ATP9A: variants seen among roughly 807,000 people sequenced by gnomAD.
ATP9A encodes the protein ATPase phospholipid transporting 9A, also known as probable phospholipid-transporting ATPase IIA.
A neutral mutation model predicts 144.1 loss-of-function variants in ATP9A; 52 were observed. The ratio of observed to expected loss-of-function variants is 0.36; its 90% CI spans 0.29 to 0.45. The LOEUF (loss-of-function observed/expected upper bound fraction) is 0.45, where lower values mean the gene tolerates loss of function less well. Ranked by LOEUF, ATP9A falls within the 20% of genes least tolerant of loss-of-function variation. ATP9A has a pLI of 1.00. For missense variants in ATP9A, 947 were observed against 1,392.7 expected (o/e 0.68, Z 5.09); for synonymous variants, 582 against 557.4 (o/e 1.04, Z -0.62).
intron 1 of ATP9A, chr20:51,732,260 A>G (rs1029031110): frequency 6.6e-6 from 1 of 152,162 alleles, no homozygotes; most frequent in Non-Finnish European, 1.5e-5. Context: ...AACTGCAACA[A>G]AAACGTCCCT....
chr20:51,637,267 GTTTAT>G (rs747439656), intron 15 of ATP9A, among the ~76,000 whole-genome samples: 52 of 115,204 alleles, frequency 4.5e-4, no homozygotes, highest in Non-Finnish European at 1.4e-4. Flanking sequence ...GCTGTGAGTT[GTTTAT>G]TTTAAGTATC....
At chr20:51,628,114 G>A (rs1459383782) in intron 16 of ATP9A, among the ~76,000 whole-genome samples, 1 of 152,138 alleles carries the variant, frequency 6.6e-6, no homozygotes, top group African/African-American at 2.4e-5. Context: ...ACTCCAGCAC[G>A]TTTTACACGC....
chr20:51,717,945 G>A (rs1399757623), intron 3 of ATP9A, among the ~76,000 whole-genome samples: 9 of 148,694 alleles, frequency 6.1e-5, no homozygotes, highest in African/African-American at 1.2e-4. Flanking sequence ...CAGAGACTCC[G>A]TCTCAAAAAA....
At chr20:51,680,041 C>T (rs192687979) in intron 9 of ATP9A, among the ~76,000 whole-genome samples, 109 of 151,960 alleles carry the variant, frequency 7.2e-4, no homozygotes, top group Non-Finnish European at 1.3e-3. Flanking sequence ...ACCAGCCTGG[C>T]CAACATGGTG....
At chr20:51,704,092 A>T (rs1042359161) in intron 4 of ATP9A, among the ~76,000 whole-genome samples, 2 of 151,788 alleles carry the variant, frequency 1.3e-5, no homozygotes, top group Non-Finnish European at 2.9e-5. Context: ...CAAAGAAAAG[A>T]CTGTTATTTG....
chr20:51,696,197 C>T (rs927115427), intron 5 of ATP9A, 53 bp from the exon 6 acceptor site: 8 of 1,576,672 alleles, frequency 5.1e-6, no homozygotes, highest in African/African-American at 2.7e-5. Flanking sequence ...GTGTGCTGTG[C>T]GGTGGGGAGG....
At chr20:51,648,367 G>A (rs922148458) in intron 14 of ATP9A, among the ~76,000 whole-genome samples, 2 of 152,154 alleles carry the variant, frequency 1.3e-5, no homozygotes, top group Non-Finnish European at 1.5e-5. Context: ...GGAGACAAAC[G>A]GGACCTTTTA....
chr20:51,767,004 G>T (rs1188368692), intron 1 of ATP9A, among the ~76,000 whole-genome samples: 1 of 151,522 alleles, frequency 6.6e-6, no homozygotes, highest in Non-Finnish European at 1.5e-5. Context: ...TAATATCAGT[G>T]AGGCCTCTTC....
chr20:51,679,305 C>T (rs1051754218), intron 9 of ATP9A, among the ~76,000 whole-genome samples: 5 of 152,126 alleles, frequency 3.3e-5, no homozygotes, highest in African/African-American at 9.7e-5. Flanking sequence ...GCCTGGGTGA[C>T]GGAGTGACAC....
At position 51,675,855 on chromosome 20, in the gene ATP9A, G is replaced by A. The variant is rs1164601052; in HGVS notation, c.876+277C>T. Among the ~76,000 whole-genome samples the A allele has an allele frequency of 2.1e-5, 3 of 144,430 alleles. No individual in the cohort carries two copies. The Admixed American group carries it at 2.1e-4, about 10-fold the overall frequency. The allele number at this position is 144,430 out of a possible 152,430, so 94.8% of individuals were successfully genotyped here. A position where few individuals can be genotyped will look rare whatever the true frequency, so the allele number is the denominator to read the frequency against. On this transcript the variant is annotated intron_variant, in intron 10 of 27. Coordinates refer to ENST00000338821, the MANE Select transcript of ATP9A (RefSeq NM_006045.3). ...AAATCAAGCCACTGTATTCCTGCCT[G>A]AGCAACAAAGTGAGACCCTGTCTCA...
intron 3 of ATP9A, among the ~76,000 whole-genome samples, chr20:51,719,725 C>G (rs1568834979): frequency 1.8e-5 from 2 of 111,860 alleles, no homozygotes; most frequent in Non-Finnish European, 3.7e-5. Flanking sequence ...GATCAAGACT[C>G]TGTCTCAAAA....
chr20:51,619,931 G>A (rs908323796), intron 19 of ATP9A, among the ~76,000 whole-genome samples: 9 of 150,656 alleles, frequency 6.0e-5, no homozygotes, highest in South Asian at 2.1e-4. Flanking sequence ...TGATGCATTC[G>A]GTGGATTTTT....
At chr20:51,719,496 AG>A (rs2077678742) in intron 3 of ATP9A, among the ~76,000 whole-genome samples, 1 of 152,148 alleles carries the variant, frequency 6.6e-6, no homozygotes, top group Non-Finnish European at 1.5e-5. Context: ...GCACTTTGGG[AG>A]GCCAAGATGG....
intron 1 of ATP9A, among the ~76,000 whole-genome samples, chr20:51,766,344 G>A (rs6021425): frequency 6.6e-6 from 1 of 152,212 alleles, no homozygotes; most frequent in East Asian, 1.9e-4. Context: ...CTGTTGGGCA[G>A]GTCTTCTTTA....
chr20:51,747,101 T>G (rs1037821516), intron 1 of ATP9A, among the ~76,000 whole-genome samples: 17 of 88,062 alleles, frequency 1.9e-4, no homozygotes, highest in Non-Finnish European at 4.6e-4. Flanking sequence ...GTTTTTCGTT[T>G]TTTTTTTTTT....
At chr20:51,627,311 G>T (rs938351705) in intron 17 of ATP9A, among the ~76,000 whole-genome samples, 1 of 152,158 alleles carries the variant, frequency 6.6e-6, no homozygotes, top group Non-Finnish European at 1.5e-5. Flanking sequence ...ATGGTATGAT[G>T]GATGGAAAGT....
At chr20:51,757,568 C>G (rs1403520797) in intron 1 of ATP9A, among the ~76,000 whole-genome samples, 13 of 151,720 alleles carry the variant, frequency 8.6e-5, no homozygotes, top group Admixed American at 8.5e-4. Context: ...GGGCCTCTTC[C>G]AACTGTCTTC....
At chr20:51,602,432 G>A (rs1374936250) in intron 27 of ATP9A, among the ~76,000 whole-genome samples, 2 of 152,162 alleles carry the variant, frequency 1.3e-5, no homozygotes, top group Non-Finnish European at 1.5e-5. Flanking sequence ...CAAACAAGCT[G>A]AGCTTCCTGA....
chr20:51,643,310 T>C (rs981055277), intron 14 of ATP9A, among the ~76,000 whole-genome samples: 7 of 152,176 alleles, frequency 4.6e-5, no homozygotes, highest in Non-Finnish European at 1.0e-4. Flanking sequence ...TAGTTTTAGT[T>C]TTTGGCTACT....
Sources: gnomAD v4.1 joint callset for allele counts (sites outside exome capture counted in the v4.1 genomes callset) on GRCh38, gnomAD v4.1.1 for gene constraint, MANE v1.5 for transcripts, NCBI Gene and HGNC (gene_info 2026-07-23, HGNC 2026-07-21) for gene names.